ATP8B4: variants seen among roughly 807,000 people sequenced by gnomAD.
ATP8B4 encodes ATPase phospholipid transporting 8B4 (putative), also known as probable phospholipid-transporting ATPase IM.
ATP8B4 carries 133 observed loss-of-function variants against 145.6 expected under a neutral mutation model. The ratio of observed to expected loss-of-function variants is 0.91; its 90% CI spans 0.79 to 1.05. The LOEUF (loss-of-function observed/expected upper bound fraction) is 1.05. Among genes scored for constraint, ATP8B4 ranks in the 50% least tolerant of loss-of-function variants. ATP8B4 has a pLI of 0.00. For synonymous variants in ATP8B4, 507 were observed against 492.9 expected (o/e 1.03, Z -0.38); for missense variants, 1,458 against 1,425.2 (o/e 1.02, Z -0.37).
chr15:49,921,300 A>C (rs2040235627), intron 17 of ATP8B4, among the ~76,000 whole-genome samples: 1 of 152,190 alleles, frequency 6.6e-6, no homozygotes, highest in Admixed American at 6.5e-5. Context: ...AAAAGGTATT[A>C]TTTTTTAGAA....
intron 1 of ATP8B4, among the ~76,000 whole-genome samples, chr15:50,126,871 C>G (rs905848923): frequency 7.0e-6 from 1 of 143,560 alleles, no homozygotes; most frequent in Non-Finnish European, 1.5e-5. Flanking sequence ...CCCACACCCC[C>G]CCGCCACCAA....
rs576180691 is a variant in ATP8B4 at position 50,167,721 on chromosome 15, T to C, written c.-43+14540A>G. ...TTGGGTTATAGTCCTTGCTTCACAA[T>C]TGACTTGCTGTGTGTGGCTTTAAGC... On this transcript the variant is annotated intron_variant, in intron 1 of 3. Transcript: ENST00000558829. Among the ~76,000 whole-genome samples, 14 of 152,320 alleles carry C rather than the reference T, an allele frequency of 9.2e-5. No individual in the cohort carries two copies. In the South Asian group the frequency reaches 2.3e-3, roughly 25 times the overall value.
In ATP8B4 at chr15:49,942,873, GA is replaced by G. The variant is rs528181155; in HGVS notation, c.1288-8692del. The stretch of plus-strand genomic sequence containing the variant: ...AAGAAATGAACAAAATAAAATTCCA[GA>G]AATTAGTCTAAAGAAACAGAGGTAT... On this transcript the variant is annotated intron_variant, in intron 14 of 27. Coordinates refer to ENST00000284509, the MANE Select transcript of ATP8B4 (RefSeq NM_024837.4). 1.8e-4 allele frequency among the ~76,000 whole-genome samples: 27 copies of G among 151,940 alleles called. No individual in the cohort carries two copies. In the East Asian group the frequency reaches 5.2e-3, roughly 29 times the overall value.
At chr15:50,158,168 A>G (rs1337241473) in intron 1 of ATP8B4, among the ~76,000 whole-genome samples, 3 of 152,012 alleles carry the variant, frequency 2.0e-5, no homozygotes, top group South Asian at 2.1e-4. Context: ...GCCTCTGCCC[A>G]GCCGCCACCC....
chr15:49,980,953 G>T lies in ATP8B4; in HGVS notation c.837+253C>A, dbSNP rs62020972. Among the ~76,000 whole-genome samples the T allele has an allele frequency of 3.3e-5, 5 of 152,268 alleles. No individual in the cohort carries two copies. In the East Asian group the frequency reaches 9.6e-4, roughly 29 times the overall value. ...TTTGGTTTTCCAAAAACAAATCCCT[G>T]GGATATGGGGAATTTGTAAGACCAT... On this transcript the variant is annotated intron_variant, in intron 11 of 27. Coordinates refer to ENST00000284509, the MANE Select transcript of ATP8B4 (RefSeq NM_024837.4).
intron 20 of ATP8B4, chr15:49,901,739 CAT>C (rs1314140924): frequency 2.5e-6 from 1 of 393,854 alleles, no homozygotes; most frequent in Non-Finnish European, 4.9e-6. Context: ...CTCTGAGAAA[CAT>C]ATTTTTTAAA....
At chr15:49,984,272 A>G (rs1346243211) in intron 10 of ATP8B4, among the ~76,000 whole-genome samples, 1 of 152,180 alleles carries the variant, frequency 6.6e-6, no homozygotes, top group African/African-American at 2.4e-5. Flanking sequence ...GGTCTTTACT[A>G]TTTTCTAAAA....
chr15:49,917,793 A>T (rs919590072), intron 19 of ATP8B4, among the ~76,000 whole-genome samples: 7 of 152,222 alleles, frequency 4.6e-5, no homozygotes, highest in Admixed American at 2.0e-4. Context: ...TCCTAAATTA[A>T]GGAAGGTAAT....
intron 20 of ATP8B4, among the ~76,000 whole-genome samples, chr15:49,914,635 C>G (rs1209663759): frequency 1.3e-5 from 2 of 151,942 alleles, no homozygotes; most frequent in African/African-American, 2.4e-5. Flanking sequence ...AGTAAGAAAA[C>G]AATCCCATTA....
intron 13 of ATP8B4, among the ~76,000 whole-genome samples, chr15:49,966,909 T>C (rs2044601256): frequency 6.6e-6 from 1 of 152,134 alleles, no homozygotes; most frequent in African/African-American, 2.4e-5. Flanking sequence ...GGGACAAAGC[T>C]TCCAGAGGAA....
At chr15:50,017,727 A>G (rs188065936) in intron 6 of ATP8B4, among the ~76,000 whole-genome samples, 3 of 152,360 alleles carry the variant, frequency 2.0e-5, no homozygotes, top group East Asian at 3.9e-4. Flanking sequence ...AGACAAAGCG[A>G]AAGTGTTGCT....
chr15:49,981,473 C>A (rs2413996), intron 10 of ATP8B4, among the ~76,000 whole-genome samples, 179 bp from the exon 11 acceptor site: 55,018 of 151,952 alleles, frequency 0.36, 10,698 homozygotes, highest in African/African-American at 0.47. Flanking sequence ...TAACAACAAT[C>A]CTGGAAGCTG....
At chr15:50,019,113 C>A (rs771580384) in intron 6 of ATP8B4, 8 of 467,848 alleles carry the variant, frequency 1.7e-5, no homozygotes, top group African/African-American at 1.2e-4. Context: ...TTTTTAGGAA[C>A]AATCTTGACA....
chr15:49,907,038 C>G (rs1365082791), intron 20 of ATP8B4, among the ~76,000 whole-genome samples: 1 of 152,064 alleles, frequency 6.6e-6, no homozygotes, highest in Non-Finnish European at 1.5e-5. Flanking sequence ...GGAAGAGCAG[C>G]CACACTTTCC....
intron 3 of ATP8B4, among the ~76,000 whole-genome samples, chr15:50,061,557 T>C (rs567746912): frequency 1.3e-5 from 2 of 152,312 alleles, no homozygotes; most frequent in African/African-American, 4.8e-5. Context: ...AAACTCACAT[T>C]TGAATTAAAG....
chr15:50,179,595 C>A (rs899586158), intron 1 of ATP8B4, among the ~76,000 whole-genome samples: 3 of 152,000 alleles, frequency 2.0e-5, no homozygotes, highest in Non-Finnish European at 2.9e-5. Flanking sequence ...GAAATCCTAA[C>A]CCTCAATGTG....
chr15:49,908,118 C>CA, intron 20 of ATP8B4: 1 of 455,982 alleles, frequency 2.2e-6, no homozygotes, highest in Non-Finnish European at 4.4e-6. Flanking sequence ...TTCTTAAGAA[C>CA]AAAATGAGGT....
At chr15:50,099,355 C>A (rs1472798907) in intron 2 of ATP8B4, among the ~76,000 whole-genome samples, 1 of 152,156 alleles carries the variant, frequency 6.6e-6, no homozygotes, top group African/African-American at 2.4e-5. Context: ...TCAGAGCTCA[C>A]TGAAGCCTCA....
chr15:49,957,449 C>T (rs1006140795), intron 14 of ATP8B4, among the ~76,000 whole-genome samples: 2 of 151,868 alleles, frequency 1.3e-5, no homozygotes, highest in Non-Finnish European at 1.5e-5. Context: ...AATATTATAA[C>T]AGAACCAAGA....
Sources: allele counts gnomAD v4.1 joint callset (sites outside exome capture counted in the v4.1 genomes callset), GRCh38; gene constraint gnomAD v4.1.1; transcripts MANE v1.5; gene names NCBI Gene and HGNC (gene_info 2026-07-23, HGNC 2026-07-21).